Variants in PDZRN3 observed in about 807,000 individuals in gnomAD.
The protein encoded by PDZRN3 is E3 ubiquitin-protein ligase PDZRN3.
A neutral mutation model predicts 85.7 loss-of-function variants in PDZRN3; 38 were observed. That is an observed-to-expected ratio of 0.44 (90% CI 0.34 to 0.58). PDZRN3 has a LOEUF of 0.58. PDZRN3 is among the 20% of genes least tolerant of loss of function. The pLI is 0.01. For synonymous variants in PDZRN3, 759 were observed against 638.0 expected (o/e 1.19, Z -2.86); for missense variants, 1,629 against 1,506.4 (o/e 1.08, Z -1.35).
At chr3:73,507,952 G>A (rs1192159352) in intron 3 of PDZRN3, among the ~76,000 whole-genome samples, 3 of 152,036 alleles carry the variant, frequency 2.0e-5, no homozygotes, top group African/African-American at 7.2e-5. Flanking sequence ...AATTAGCCAG[G>A]CATGGTGGCA....
At chr3:73,440,239 A>C (rs749919755) in intron 3 of PDZRN3, among the ~76,000 whole-genome samples, 8 of 152,158 alleles carry the variant, frequency 5.3e-5, no homozygotes. Flanking sequence ...GAGAGGAGGC[A>C]CATGCTGAGC....
chr3:73,462,697 C>T (rs1703132658), intron 3 of PDZRN3, among the ~76,000 whole-genome samples: 1 of 152,096 alleles, frequency 6.6e-6, no homozygotes, highest in South Asian at 2.1e-4. Flanking sequence ...TTCTCAATAC[C>T]TCTCTGCATG....
chr3:73,536,575 G>A (rs1704791855), intron 3 of PDZRN3, among the ~76,000 whole-genome samples: 1 of 152,240 alleles, frequency 6.6e-6, no homozygotes, highest in South Asian at 2.1e-4. Context: ...ATTTCCAGCT[G>A]CTTCTAATCT....
intron 3 of PDZRN3, among the ~76,000 whole-genome samples, chr3:73,456,213 TGTGC>T (rs1702974176): frequency 7.9e-6 from 1 of 126,948 alleles, no homozygotes; most frequent in African/African-American, 2.9e-5. Context: ...TGTGTGTGTG[TGTGC>T]GCGCGTGCGC....
chr3:73,408,252 T>C (rs998904216), intron 3 of PDZRN3: 1 of 702,098 alleles, frequency 1.4e-6, no homozygotes, highest in Non-Finnish European at 2.6e-6. Flanking sequence ...TCAGTTCCAG[T>C]TTTCTCATCT....
intron 3 of PDZRN3, among the ~76,000 whole-genome samples, chr3:73,523,387 A>G (rs1704443081): frequency 6.6e-6 from 1 of 152,194 alleles, no homozygotes. Context: ...TACATAATGG[A>G]CTACCTTAAG....
intron 3 of PDZRN3, among the ~76,000 whole-genome samples, chr3:73,593,539 C>A (rs4677310): frequency 0.12 from 17,624 of 152,138 alleles, 1,110 homozygotes; most frequent in Admixed American, 0.16. Context: ...GAGACAGATG[C>A]CTCTGCGTTT....
chr3:73,385,854 A>G (rs568215058), intron 8 of PDZRN3, 69 bp from the exon 9 acceptor site: 18 of 922,138 alleles, frequency 2.0e-5, no homozygotes, highest in South Asian at 1.9e-4. Context: ...TTTTTTAAAA[A>G]TGACATTACC....
rs1703314600 is a variant in PDZRN3, at chr3:73,383,731, CTCCCGCAGCAGGCGG to C, written c.2820_2834del (p.Asp940_Arg944del). On this transcript the variant is annotated inframe_deletion, in exon 10 of 10. Coordinates refer to ENST00000263666, the MANE Select transcript of PDZRN3 (RefSeq NM_015009.3). Reference sequence around the variant, plus strand: ...GCTCTTCCCGGATCTTCAGGGCGCGCTCCCGCAGCAGGCGGTCCCGCACGGGCCTCTTGGTGATGT... The same window carrying C: ...GCTCTTCCCGGATCTTCAGGGCGCGCTCCCGCACGGGCCTCTTGGTGATGT... 6.2e-7 allele frequency: 1 copy of C among 1,612,016 alleles called. No individual in the cohort carries two copies. The highest frequency in any genetic ancestry group is 8.5e-7 in the Non-Finnish European group (1 of 1,180,000).
Position 73,384,594 on chromosome 3 carries a change from T to C in PDZRN3, c.1972A>G (p.Ser658Gly), listed in dbSNP as rs906472670. ...TAGTACAGGCCGTAAGGGGTGGCGC[T>C]CTTCACCTGGCACTTGAGCTCCAGG... ...ELLELKCQVK[S>G]ATPYGLYYPS... The change falls in exon 10 of 10, where the codon AGC becomes GGC. Residue 658 changes from serine (S) to glycine (G), a missense_variant. Transcript: ENST00000263666. 7 of 1,613,636 alleles carry C rather than the reference T, an allele frequency of 4.3e-6. No individual in the cohort carries two copies. The highest frequency in any genetic ancestry group is 8.5e-7 in the Non-Finnish European group (1 of 1,180,034).
At chr3:73,412,063 G>A (rs1701984296) in intron 3 of PDZRN3, among the ~76,000 whole-genome samples, 1 of 152,170 alleles carries the variant, frequency 6.6e-6, no homozygotes, top group African/African-American at 2.4e-5. Flanking sequence ...AATTGGGAGA[G>A]GCATGCTTTA....
At chr3:73,553,116 T>C (rs1298385889) in intron 3 of PDZRN3, among the ~76,000 whole-genome samples, 2 of 152,314 alleles carry the variant, frequency 1.3e-5, no homozygotes, top group East Asian at 3.9e-4. Flanking sequence ...AGACATTTCA[T>C]GTTTGACTCA....
intron 3 of PDZRN3, among the ~76,000 whole-genome samples, chr3:73,554,960 G>A (rs1701657744): frequency 1.3e-5 from 2 of 152,188 alleles, no homozygotes; most frequent in Non-Finnish European, 2.9e-5. Context: ...CTGAGCCCAA[G>A]CCCTCAGTGG....
chr3:73,528,681 G>C (rs1704580389), intron 3 of PDZRN3, among the ~76,000 whole-genome samples: 1 of 152,030 alleles, frequency 6.6e-6, no homozygotes, highest in African/African-American at 2.4e-5. Context: ...ATGTTGTGAA[G>C]ATCAAAAAAA....
intron 3 of PDZRN3, among the ~76,000 whole-genome samples, chr3:73,535,597 T>A (rs867251469): frequency 6.6e-6 from 1 of 152,216 alleles, no homozygotes; most frequent in Non-Finnish European, 1.5e-5. Flanking sequence ...AGCTGCCTTT[T>A]TGGGGAGAGA....
chr3:73,553,858 G>A (rs1454220962), intron 3 of PDZRN3, among the ~76,000 whole-genome samples: 2 of 152,232 alleles, frequency 1.3e-5, no homozygotes, highest in East Asian at 3.8e-4. Flanking sequence ...AGGGTGACAG[G>A]AGATGCTGGA....
At chr3:73,425,754 CA>C (rs1453231823) in intron 3 of PDZRN3, among the ~76,000 whole-genome samples, 1 of 151,968 alleles carries the variant, frequency 6.6e-6, no homozygotes, top group Non-Finnish European at 1.5e-5. Flanking sequence ...TCCTCAGATA[CA>C]AAAAAATCGA....
intron 3 of PDZRN3, among the ~76,000 whole-genome samples, chr3:73,420,631 A>G (rs1702181276): frequency 6.6e-6 from 1 of 152,178 alleles, no homozygotes; most frequent in South Asian, 2.1e-4. Flanking sequence ...ACCTTTCTGG[A>G]TCTATTCCCA....
intron 3 of PDZRN3, among the ~76,000 whole-genome samples, chr3:73,416,932 C>T (rs1426146141): frequency 7.5e-6 from 1 of 133,028 alleles, no homozygotes; most frequent in East Asian, 2.2e-4. Context: ...CACTCCATCA[C>T]CCAGGCGGGA....
Sources: gnomAD v4.1 joint callset for allele counts (sites outside exome capture counted in the v4.1 genomes callset) on GRCh38, gnomAD v4.1.1 for gene constraint, MANE v1.5 for transcripts, NCBI Gene and HGNC (gene_info 2026-07-23, HGNC 2026-07-21) for gene names.